ARID1B: variants seen among roughly 807,000 people sequenced by gnomAD.
ARID1B encodes the protein AT-rich interaction domain 1B.
ARID1B carries 30 observed loss-of-function variants against 212.3 expected under a neutral mutation model. The ratio of observed to expected loss-of-function variants is 0.14; its 90% CI spans 0.11 to 0.19. The LOEUF (loss-of-function observed/expected upper bound fraction) is 0.19. Ranked by LOEUF, ARID1B falls within the 10% of genes least tolerant of loss-of-function variation. The pLI is 1.00. For synonymous variants in ARID1B, 1,402 were observed against 1,301.7 expected, an observed-to-expected ratio of 1.08 and a Z score of -1.66; for missense variants, 2,891 against 3,204.0, an observed-to-expected ratio of 0.90 and a Z score of 2.36.
chr6:156,970,242 G>A (rs549404713), intron 4 of ARID1B, among the ~76,000 whole-genome samples: 10 of 151,786 alleles, frequency 6.6e-5, no homozygotes, highest in South Asian at 2.1e-4. Context: ...CACCATACCC[G>A]GCTAATTTTT....
At chr6:156,950,231 T>A (rs144049087) in intron 4 of ARID1B, among the ~76,000 whole-genome samples, 1 of 152,340 alleles carries the variant, frequency 6.6e-6, no homozygotes, top group East Asian at 1.9e-4. Flanking sequence ...ACAGATCTAC[T>A]TGGTTTGCAG....
chr6:156,990,200 G>T (rs1206114475), intron 4 of ARID1B, among the ~76,000 whole-genome samples: 1 of 144,620 alleles, frequency 6.9e-6, no homozygotes, highest in Admixed American at 7.0e-5. Flanking sequence ...TTTAAAGAGA[G>T]TCTCATTCTG....
intron 5 of ARID1B, among the ~76,000 whole-genome samples, chr6:157,106,700 A>C (rs749876932): frequency 2.2e-4 from 33 of 152,188 alleles, no homozygotes; most frequent in Non-Finnish European, 3.2e-4. Flanking sequence ...CATTCTTTGG[A>C]TAGAATTACA....
chr6:156,807,783 A>G (rs1423561553), intron 1 of ARID1B, among the ~76,000 whole-genome samples: 5 of 152,332 alleles, frequency 3.3e-5, no homozygotes, highest in African/African-American at 1.2e-4. Context: ...TGTGAGCAAG[A>G]GAGGTTCTCA....
At chr6:157,120,478 G>A (rs1390385741) in intron 6 of ARID1B, among the ~76,000 whole-genome samples, 1 of 152,148 alleles carries the variant, frequency 6.6e-6, no homozygotes, top group Admixed American at 6.5e-5. Flanking sequence ...GCCTTGAACG[G>A]GCCATTAGTT....
intron 2 of ARID1B, among the ~76,000 whole-genome samples, chr6:156,833,877 C>T (rs901905553): frequency 2.6e-5 from 4 of 151,954 alleles, no homozygotes; most frequent in Non-Finnish European, 4.4e-5. Flanking sequence ...TATTTGGTAC[C>T]CTCTTAACAG....
intron 1 of ARID1B, among the ~76,000 whole-genome samples, chr6:156,822,227 A>G (rs1004576426): frequency 2.6e-5 from 4 of 152,250 alleles, no homozygotes; most frequent in African/African-American, 4.8e-5. Flanking sequence ...GTATTGACAA[A>G]AGAAGAACTT....
At chr6:156,997,886 T>A (rs1336079944) in intron 4 of ARID1B, among the ~76,000 whole-genome samples, 1 of 152,178 alleles carries the variant, frequency 6.6e-6, no homozygotes, top group Non-Finnish European at 1.5e-5. Flanking sequence ...CATAAAGACA[T>A]CATTATCCCA....
chr6:157,140,909 A>G, intron 7 of ARID1B: 2 of 373,968 alleles, frequency 5.3e-6, no homozygotes, highest in Non-Finnish European at 9.5e-6. Flanking sequence ...ACCTCATGAC[A>G]TGTTCTTGAT....
intron 1 of ARID1B, among the ~76,000 whole-genome samples, chr6:156,826,688 C>T (rs1478113092): frequency 6.6e-6 from 1 of 152,182 alleles, no homozygotes; most frequent in Non-Finnish European, 1.5e-5. Flanking sequence ...CTTCCAGCCT[C>T]AGCCCTCACC....
At chr6:156,900,220 G>C (rs1185250177) in intron 2 of ARID1B, among the ~76,000 whole-genome samples, 1 of 152,160 alleles carries the variant, frequency 6.6e-6, no homozygotes, top group African/African-American at 2.4e-5. Flanking sequence ...CATCCTCTTT[G>C]GTAGATCTTG....
intron 2 of ARID1B, among the ~76,000 whole-genome samples, chr6:156,841,512 A>G (rs908975403): frequency 1.4e-4 from 21 of 152,106 alleles, no homozygotes; most frequent in African/African-American, 5.1e-4. Flanking sequence ...TCTGGACCCA[A>G]TTTCTTATTT....
At chr6:157,161,012 G>A (rs947416402) in intron 8 of ARID1B, among the ~76,000 whole-genome samples, 17 of 152,256 alleles carry the variant, frequency 1.1e-4, no homozygotes, top group African/African-American at 1.4e-4. Flanking sequence ...TTTAGTCTTG[G>A]CCCGCTGTTG....
chr6:156,977,425 C>T (rs948207861), intron 4 of ARID1B, among the ~76,000 whole-genome samples: 1 of 151,898 alleles, frequency 6.6e-6, no homozygotes, highest in African/African-American at 2.4e-5. Flanking sequence ...TTAAAAATTA[C>T]CATTAAATCT....
chr6:156,850,156 A>G (rs543405204), intron 2 of ARID1B, among the ~76,000 whole-genome samples: 14 of 151,834 alleles, frequency 9.2e-5, no homozygotes, highest in Non-Finnish European at 1.5e-4. Context: ...GCTGCACTGT[A>G]CACAATTACT....
At chr6:157,119,644 G>A (rs1442129208) in intron 6 of ARID1B, 1 of 152,546 alleles carries the variant, frequency 6.6e-6, no homozygotes, top group Non-Finnish European at 1.5e-5. Context: ...AGTGTTTGTT[G>A]GGTGAACAAA....
At chr6:156,891,095 G>A (rs1219387035) in intron 2 of ARID1B, among the ~76,000 whole-genome samples, 1 of 152,146 alleles carries the variant, frequency 6.6e-6, no homozygotes, top group African/African-American at 2.4e-5. Context: ...CATTATTTTT[G>A]ACTGGACATG....
At chr6:156,953,147 G>A (rs1661772743) in intron 4 of ARID1B, among the ~76,000 whole-genome samples, 1 of 152,162 alleles carries the variant, frequency 6.6e-6, no homozygotes, top group African/African-American at 2.4e-5. Flanking sequence ...GTTTTTCAGT[G>A]TTTTCCCCTT....
intron 2 of ARID1B, among the ~76,000 whole-genome samples, chr6:156,872,524 T>C (rs1489107926): frequency 6.6e-6 from 1 of 152,158 alleles, no homozygotes; most frequent in Admixed American, 6.5e-5. Flanking sequence ...TTTCGTCATG[T>C]TGGCCAGGCT....
Sources: gnomAD v4.1 joint callset for allele counts (sites outside exome capture counted in the v4.1 genomes callset) on GRCh38, gnomAD v4.1.1 for gene constraint, MANE v1.5 for transcripts, NCBI Gene and HGNC (gene_info 2026-07-23, HGNC 2026-07-21) for gene names.